The following KAZN variants were observed in gnomAD, a reference collection of about 807,000 sequenced individuals.
The protein encoded by KAZN is kazrin, periplakin interacting protein, also known as kazrin.
KAZN carries 40 observed loss-of-function variants against 87.4 expected under a neutral mutation model. That is an observed-to-expected ratio of 0.46 (90% CI 0.36 to 0.60). The LOEUF is 0.60. Among genes scored for constraint, KAZN ranks in the 20% least tolerant of loss-of-function variants. The probability of loss-of-function intolerance (pLI) is 0.00; values close to 1 mark genes in which losing one functional copy is unlikely to be tolerated. For missense variants in KAZN, 898 were observed against 1,073.9 expected (o/e 0.84, Z 2.29); for synonymous variants, 466 against 458.3 (o/e 1.02, Z -0.22).
intron 2 of KAZN, among the ~76,000 whole-genome samples, chr1:14,250,208 C>A (rs945063474): frequency 4.6e-5 from 7 of 152,128 alleles, no homozygotes; most frequent in Admixed American, 1.3e-4. Context: ...TCAAAATAAG[C>A]CAATTGTTAA....
At chr1:13,939,277 G>A (rs1640849834) in intron 1 of KAZN, among the ~76,000 whole-genome samples, 1 of 152,200 alleles carries the variant, frequency 6.6e-6, no homozygotes, top group Non-Finnish European at 1.5e-5. Context: ...GCATCTGAGT[G>A]TAGGCCACAT....
intron 2 of KAZN, among the ~76,000 whole-genome samples, chr1:14,351,501 GTGAGC>G (rs1420985049): frequency 1.3e-5 from 2 of 152,174 alleles, no homozygotes; most frequent in African/African-American, 4.8e-5. Flanking sequence ...GGAGGTTGCC[GTGAGC>G]TGAGATTGCA....
intron 2 of KAZN, among the ~76,000 whole-genome samples, chr1:14,975,049 G>A (rs1270294265): frequency 4.6e-5 from 7 of 152,232 alleles, no homozygotes; most frequent in Non-Finnish European, 8.8e-5. Flanking sequence ...TCAGTGGGGT[G>A]GCCTCTGGCT....
intron 1 of KAZN, among the ~76,000 whole-genome samples, chr1:14,057,998 G>A (rs138076133): frequency 6.6e-6 from 1 of 152,260 alleles, no homozygotes; most frequent in African/African-American, 2.4e-5. Flanking sequence ...GAAATTCAAT[G>A]GAACTTCTCC....
intron 1 of KAZN, among the ~76,000 whole-genome samples, chr1:14,691,351 A>C (rs1427546498): frequency 6.6e-6 from 1 of 152,234 alleles, no homozygotes; most frequent in African/African-American, 2.4e-5. Context: ...CATGCACACA[A>C]ACTCTACAAA....
At chr1:14,405,137 A>T (rs901951626) in intron 2 of KAZN, among the ~76,000 whole-genome samples, 18 of 152,346 alleles carry the variant, frequency 1.2e-4, no homozygotes, top group African/African-American at 3.1e-4. Context: ...AACTTTGCAT[A>T]CCACTGCTCA....
chr1:14,824,406 T>C (rs561360028), intron 1 of KAZN, among the ~76,000 whole-genome samples: 2 of 152,264 alleles, frequency 1.3e-5, no homozygotes, highest in South Asian at 4.2e-4. Flanking sequence ...GGGAGGTATA[T>C]TTAAGAAATG....
At chr1:14,468,881 T>A (rs2148365263) in intron 2 of KAZN, among the ~76,000 whole-genome samples, 1 of 152,322 alleles carries the variant, frequency 6.6e-6, no homozygotes, top group African/African-American at 2.4e-5. Flanking sequence ...CTCGCTTTCA[T>A]TTGCCTCTTG....
chr1:14,657,501 C>T (rs1012913188), intron 1 of KAZN, among the ~76,000 whole-genome samples: 2 of 152,182 alleles, frequency 1.3e-5, no homozygotes, highest in Non-Finnish European at 2.9e-5. Flanking sequence ...ATGCTAGTGG[C>T]CCAGGGACCA....
At chr1:13,958,043 T>C (rs1188753640) in intron 1 of KAZN, among the ~76,000 whole-genome samples, 1 of 152,220 alleles carries the variant, frequency 6.6e-6, no homozygotes, top group Non-Finnish European at 1.5e-5. Context: ...GGCATGTGCA[T>C]GAATATTCAC....
intron 2 of KAZN, among the ~76,000 whole-genome samples, chr1:15,010,983 C>T (rs903442332): frequency 6.6e-6 from 1 of 152,172 alleles, no homozygotes; most frequent in African/African-American, 2.4e-5. Flanking sequence ...GGAAATGGTT[C>T]AAGCAATACA....
intron 2 of KAZN, among the ~76,000 whole-genome samples, chr1:14,503,163 C>T (rs1021676131): frequency 1.8e-4 from 27 of 151,888 alleles, no homozygotes; most frequent in Non-Finnish European, 1.0e-4. Context: ...TCAATAGCAA[C>T]GCCAATCTCA....
chr1:14,838,382 G>A (rs1647528683), intron 1 of KAZN, among the ~76,000 whole-genome samples: 1 of 152,146 alleles, frequency 6.6e-6, no homozygotes, highest in Non-Finnish European at 1.5e-5. Flanking sequence ...ATTGCTCTTG[G>A]ATTTATGGCT....
At chr1:14,018,304 C>G (rs893288308) in intron 1 of KAZN, among the ~76,000 whole-genome samples, 1 of 152,076 alleles carries the variant, frequency 6.6e-6, no homozygotes, top group African/African-American at 2.4e-5. Context: ...AAATTGACTT[C>G]GTGAGAAGAC....
chr1:14,541,044 G>A (rs2148494984), intron 2 of KAZN, among the ~76,000 whole-genome samples: 1 of 152,256 alleles, frequency 6.6e-6, no homozygotes, highest in Middle Eastern at 3.4e-3. Flanking sequence ...GTGGGCAACA[G>A]ACCCCGGCAC....
At chr1:14,311,735 T>C (rs1173516990) in intron 2 of KAZN, among the ~76,000 whole-genome samples, 1 of 151,952 alleles carries the variant, frequency 6.6e-6, no homozygotes, top group African/African-American at 2.4e-5. Context: ...GATGGATGGA[T>C]GGATGGAAGG....
chr1:13,976,396 A>G (rs1638359878), intron 1 of KAZN, among the ~76,000 whole-genome samples: 1 of 152,158 alleles, frequency 6.6e-6, no homozygotes, highest in South Asian at 2.1e-4. Context: ...CTCCTTGTCA[A>G]GAAAAATTAC....
intron 1 of KAZN, among the ~76,000 whole-genome samples, chr1:13,986,768 C>G (rs901533038): frequency 1.3e-5 from 2 of 152,176 alleles, no homozygotes; most frequent in African/African-American, 4.8e-5. Flanking sequence ...GAGCCAGTAT[C>G]TCTATAGAGG....
chr1:15,039,403 G>T (rs916728325), intron 3 of KAZN, among the ~76,000 whole-genome samples: 14 of 152,124 alleles, frequency 9.2e-5, no homozygotes, highest in African/African-American at 2.9e-4. Flanking sequence ...ACCACTCAGT[G>T]CATGTTCAGA....
Sources: gnomAD v4.1 joint callset for allele counts (sites outside exome capture counted in the v4.1 genomes callset) on GRCh38, gnomAD v4.1.1 for gene constraint, MANE v1.5 for transcripts, NCBI Gene and HGNC (gene_info 2026-07-23, HGNC 2026-07-21) for gene names.